Variants in GTF2H3 observed in about 807,000 individuals in gnomAD.
GTF2H3 encodes the protein general transcription factor IIH subunit 3.
In GTF2H3, 42 loss-of-function variants were observed where a neutral mutation model predicts 51.1. That is an observed-to-expected ratio of 0.82 (90% CI 0.64 to 1.06). GTF2H3 has a LOEUF of 1.06. Ranked by LOEUF, GTF2H3 falls within the 50% of genes least tolerant of loss-of-function variation. GTF2H3 has a pLI of 0.00. For synonymous variants in GTF2H3, 123 were observed against 123.8 expected (o/e 0.99, Z 0.04); for missense variants, 326 against 366.1 (o/e 0.89, Z 0.89).
At chr12:123,652,124 G>A (rs898976564) in intron 5 of GTF2H3, among the ~76,000 whole-genome samples, 1 of 152,138 alleles carries the variant, frequency 6.6e-6, no homozygotes, top group African/African-American at 2.4e-5. Context: ...TCTGTGTGAC[G>A]TTTTCTCAGT....
At chr12:123,648,191 A>C in intron 4 of GTF2H3, 65 bp downstream of exon 4, 3 of 1,072,710 alleles carry the variant, frequency 2.8e-6, no homozygotes, top group Non-Finnish European at 4.1e-6. Flanking sequence ...TTAGGCTTTA[A>C]GTTCAAAGAT....
chr12:123,654,883 G>A, intron 7 of GTF2H3, 41 bp from the exon 8 acceptor site: 1 of 1,356,418 alleles, frequency 7.4e-7, no homozygotes, highest in Non-Finnish European at 1.1e-6. Context: ...TGAGAGGACT[G>A]GCATGTGCCT....
intron 3 of GTF2H3, among the ~76,000 whole-genome samples, chr12:123,646,315 G>A (rs1270120432): frequency 6.7e-6 from 1 of 149,302 alleles, no homozygotes; most frequent in African/African-American, 2.5e-5. Flanking sequence ...AGAGTGCAGT[G>A]GCACTATCAT....
intron 3 of GTF2H3, among the ~76,000 whole-genome samples, 154 bp from the exon 4 acceptor site, chr12:123,647,809 A>C (rs770604930): frequency 2.6e-5 from 4 of 152,136 alleles, no homozygotes; most frequent in African/African-American, 4.8e-5. Flanking sequence ...TTTATCTTAC[A>C]CATTTTTTTT....
intron 8 of GTF2H3, 95 bp downstream of exon 8, chr12:123,655,093 T>C: frequency 2.1e-6 from 2 of 933,020 alleles, no homozygotes; most frequent in Non-Finnish European, 1.7e-6. Context: ...TCTGACTACG[T>C]AGGCTTATGA....
At chr12:123,655,113 G>A (rs1955570916) in intron 8 of GTF2H3, 115 bp downstream of exon 8, 2 of 766,474 alleles carry the variant, frequency 2.6e-6, no homozygotes, top group South Asian at 3.2e-5. Context: ...AATGGGCAAG[G>A]AATCCAGAAT....
intron 4 of GTF2H3, chr12:123,649,446 C>T (rs894918867): frequency 6.6e-6 from 1 of 152,252 alleles, no homozygotes; most frequent in African/African-American, 2.4e-5. Context: ...GTAGACATAG[C>T]CAGATGCCCC....
intron 4 of GTF2H3, among the ~76,000 whole-genome samples, chr12:123,648,588 T>C (rs947409722): frequency 6.6e-6 from 1 of 152,170 alleles, no homozygotes; most frequent in Admixed American, 6.6e-5. Flanking sequence ...CATTTCAGCG[T>C]CCCACAGTCT....
At chr12:123,640,632 C>T (rs1337246632) in intron 2 of GTF2H3, among the ~76,000 whole-genome samples, 1 of 152,088 alleles carries the variant, frequency 6.6e-6, no homozygotes, top group Admixed American at 6.6e-5. Context: ...GCCACTGTGC[C>T]TGGCCTTGTC....
intron 2 of GTF2H3, among the ~76,000 whole-genome samples, chr12:123,644,769 G>C (rs1031085916): frequency 6.6e-5 from 10 of 152,154 alleles, no homozygotes; most frequent in Non-Finnish European, 1.5e-4. Flanking sequence ...GCTCAGTATA[G>C]TTAGTGAACA....
chr12:123,639,386 T>A (rs770855463), intron 2 of GTF2H3, 43 bp downstream of exon 2: 6 of 946,874 alleles, frequency 6.3e-6, no homozygotes, highest in Non-Finnish European at 3.4e-6. Flanking sequence ...CTGGTTTAAC[T>A]GAGTGTTTAT....
chr12:123,646,371 C>T (rs1451395559), intron 3 of GTF2H3, among the ~76,000 whole-genome samples: 1 of 151,786 alleles, frequency 6.6e-6, no homozygotes, highest in Non-Finnish European at 1.5e-5. Context: ...GACTGGACCT[C>T]CTGCCTCAGT....
chr12:123,643,569 G>C (rs1028889926), intron 2 of GTF2H3, among the ~76,000 whole-genome samples: 1 of 152,114 alleles, frequency 6.6e-6, no homozygotes, highest in African/African-American at 2.4e-5. Flanking sequence ...TTTGCTTCCA[G>C]TGTATTTCGT....
At chr12:123,643,765 T>C (rs1394055875) in intron 2 of GTF2H3, among the ~76,000 whole-genome samples, 1 of 152,230 alleles carries the variant, frequency 6.6e-6, no homozygotes, top group Admixed American at 6.5e-5. Context: ...TTTATTTATA[T>C]TGTCACTTTT....
chr12:123,645,614 T>G, intron 3 of GTF2H3, 53 bp downstream of exon 3: 1 of 929,002 alleles, frequency 1.1e-6, no homozygotes, highest in Non-Finnish European at 1.8e-6. Context: ...TCATGAGTTT[T>G]CTGTGCCAGT....
Position 123,654,968 on chromosome 12 carries a change from C to A in GTF2H3, c.531C>A (p.Phe177Leu). The A allele has an allele frequency of 6.2e-7, 1 of 1,613,154 alleles. No homozygotes were observed. Among genetic ancestry groups the A allele is most frequent in the East Asian group, 2.2e-5 (1 of 44,882 alleles). The change falls in exon 8 of 13, where the codon TTC (phenylalanine) becomes TTA (leucine). Residue 177 changes from phenylalanine to leucine, a missense_variant. Physicochemically the swap from Phe to Leu is conservative, Grantham distance 22. Transcript: ENST00000543341. Reference protein sequence around the residue: ...AEDSALQYMNFMNVIFAAQKQ... With the variant: ...AEDSALQYMNLMNVIFAAQKQ... ...ACAGTGCGTTGCAGTATATGAACTT[C>A]ATGAATGTCATCTTTGCAGCACAGA...
chr12:123,651,078 T>C, intron 5 of GTF2H3, 22 bp downstream of exon 5: 4 of 1,566,322 alleles, frequency 2.6e-6, no homozygotes, highest in Non-Finnish European at 3.5e-6. Context: ...GTCTGAATCA[T>C]TTAGAAGGTG....
At position 123,655,829 on chromosome 12, in the gene GTF2H3, G is replaced by A; in HGVS notation, c.615+5G>A. The A allele has an allele frequency of 6.3e-7, 1 of 1,575,690 alleles. No individual in the cohort carries two copies. Among genetic ancestry groups the A allele is most frequent in the Non-Finnish European group, 8.7e-7 (1 of 1,146,018 alleles). ...GACTCAGGGCTCCTCCAACAGGTAT[G>A]TTTTAAAACCATGCTTTGTGTCGGT... On this transcript the variant is annotated splice_donor_5th_base_variant and intron_variant, in intron 9 of 12. Coordinates refer to ENST00000543341, the MANE Select transcript of GTF2H3 (RefSeq NM_001516.5).
chr12:123,639,214 A>AT (rs1296851686), intron 1 of GTF2H3, 50 bp from the exon 2 acceptor site: 3 of 894,340 alleles, frequency 3.4e-6, no homozygotes, highest in Non-Finnish European at 5.5e-6. Flanking sequence ...GCTTTGATTC[A>AT]TTTTTATGGA....
Sources: allele counts gnomAD v4.1 joint callset (sites outside exome capture counted in the v4.1 genomes callset), GRCh38; gene constraint gnomAD v4.1.1; transcripts MANE v1.5; gene names NCBI Gene and HGNC (gene_info 2026-07-23, HGNC 2026-07-21).